Variants in HSF5 observed in about 807,000 individuals in gnomAD.
The protein encoded by HSF5 is heat shock transcription factor 5.
A neutral mutation model predicts 50.8 loss-of-function variants in HSF5; 5 were observed. That is an observed-to-expected ratio of 0.10 (90% confidence interval 0.05 to 0.21). The LOEUF is 0.21. Among genes scored for constraint, HSF5 ranks in the 10% least tolerant of loss-of-function variants. HSF5 has a pLI of 1.00. For missense variants in HSF5, 564 were observed against 762.6 expected, an observed-to-expected ratio of 0.74 and a Z score of 3.07; for synonymous variants, 307 against 307.4, an observed-to-expected ratio of 1.00 and a Z score of 0.02.
At chr17:58,446,779 C>T (rs767781289) in intron 5 of HSF5, among the ~76,000 whole-genome samples, 2 of 149,446 alleles carry the variant, frequency 1.3e-5, no homozygotes, top group Admixed American at 6.6e-5. Context: ...CTGAGTGCCA[C>T]GTCATCCCTG....
At position 58,421,521 on chromosome 17, in the gene HSF5, T is replaced by A. The variant is rs1412166258; in HGVS notation, c.*839A>T. On this transcript the variant is annotated 3_prime_UTR_variant, in exon 6 of 6. Coordinates refer to ENST00000323777, the MANE Select transcript of HSF5 (RefSeq NM_001080439.3). ...ACATGCATCCTTTATCCTTCTATCC[T>A]GCAATAATAAAAATATAAAACTTTA... The A allele has an allele frequency of 2.0e-5, 3 of 152,232 alleles. No homozygotes were observed. Among genetic ancestry groups the A allele is most frequent in the Non-Finnish European group, 4.4e-5 (3 of 68,024 alleles). 9.4% of individuals were successfully genotyped at this position (152,232 alleles called of 1,614,324 possible). A position where few individuals can be genotyped will look rare whatever the true frequency, so the allele number is the denominator to read the frequency against.
intron 5 of HSF5, among the ~76,000 whole-genome samples, chr17:58,427,744 G>A (rs1974313902): frequency 6.6e-6 from 1 of 152,148 alleles, no homozygotes; most frequent in Non-Finnish European, 1.5e-5. Flanking sequence ...TCCATTTTGA[G>A]CTCTCCCCAC....
At chr17:58,480,762 GCTATCTAT>G (rs59278255) in intron 1 of HSF5, among the ~76,000 whole-genome samples, 89 of 146,486 alleles carry the variant, frequency 6.1e-4, no homozygotes, top group African/African-American at 1.2e-3. Context: ...AACGCTCTTT[GCTATCTAT>G]CTATCTATCT....
intron 3 of HSF5, among the ~76,000 whole-genome samples, chr17:58,465,749 C>G (rs919858576): frequency 1.3e-5 from 2 of 152,050 alleles, no homozygotes; most frequent in African/African-American, 4.8e-5. Flanking sequence ...ACACACAATT[C>G]CAATCTTTGG....
intron 5 of HSF5, among the ~76,000 whole-genome samples, chr17:58,439,728 C>A (rs532385321): frequency 6.6e-6 from 1 of 152,330 alleles, no homozygotes; most frequent in South Asian, 2.1e-4. Flanking sequence ...AGGTGATCCG[C>A]CCGCCTTGGC....
chr17:58,458,762 C>A lies in HSF5; in HGVS notation c.1720+6G>T. The stretch of plus-strand genomic sequence containing the variant: ...TTCTGGCATTCTAGAGCACAATAAT[C>A]CTTACCAGGGGACTTTCCTTGTTGT... On this transcript the variant is annotated splice_donor_region_variant and intron_variant, in intron 5 of 5. Coordinates refer to ENST00000323777, the MANE Select transcript of HSF5 (RefSeq NM_001080439.3). The A allele has an allele frequency of 1.9e-6, 3 of 1,605,526 alleles. No individual in the cohort carries two copies.
chr17:58,422,533 C>T (rs1336215403), intron 5 of HSF5, 103 bp from the exon 6 acceptor site: 2 of 815,640 alleles, frequency 2.5e-6, no homozygotes, highest in African/African-American at 1.7e-5. Context: ...ACCTGTAGAA[C>T]TGGCTCTAAA....
intron 1 of HSF5, among the ~76,000 whole-genome samples, chr17:58,483,165 G>A (rs1195964815): frequency 3.3e-5 from 5 of 152,102 alleles, no homozygotes; most frequent in Non-Finnish European, 5.9e-5. Flanking sequence ...GCCCTCTTCG[G>A]GGATAAACTG....
intron 4 of HSF5, among the ~76,000 whole-genome samples, chr17:58,460,693 TAG>T (rs914815628): frequency 5.4e-5 from 8 of 147,786 alleles, no homozygotes; most frequent in Admixed American, 2.7e-4. Context: ...GTATTTTTAG[TAG>T]AGACAGGGTT....
chr17:58,476,306 T>G, intron 2 of HSF5: 1 of 1,061,634 alleles, frequency 9.4e-7, no homozygotes, highest in Non-Finnish European at 1.5e-6. Context: ...TGTAATGGGT[T>G]TGGCCAAATA....
At position 58,444,063 on chromosome 17, in the gene HSF5, A is replaced by T. The variant is rs562015448; in HGVS notation, c.1720+14705T>A. Among the ~76,000 whole-genome samples, 158 of 152,370 alleles carry T rather than the reference A, an allele frequency of 1.0e-3. 1 individual carries two copies. The highest frequency in any genetic ancestry group is 3.4e-3 in the African/African-American group (141 of 41,596). On this transcript the variant is annotated intron_variant, in intron 5 of 5. Coordinates refer to ENST00000323777, the MANE Select transcript of HSF5 (RefSeq NM_001080439.3). ...ACTTTTACACTGAAAATTACAAAAC[A>T]GTACTGAAAGAAATTAAAGATGACA...
chr17:58,431,327 C>G (rs572796750), intron 5 of HSF5, among the ~76,000 whole-genome samples: 93 of 152,270 alleles, frequency 6.1e-4, no homozygotes, highest in African/African-American at 2.2e-3. Flanking sequence ...CAAACCAGTA[C>G]AGCAAGTTAC....
At chr17:58,441,571 A>G (rs1974498291) in intron 5 of HSF5, among the ~76,000 whole-genome samples, 1 of 152,208 alleles carries the variant, frequency 6.6e-6, no homozygotes, top group African/African-American at 2.4e-5. Context: ...CAAATACAAA[A>G]GTTGGCTTTG....
chr17:58,432,700 A>C (rs1974380323), intron 5 of HSF5, among the ~76,000 whole-genome samples: 1 of 152,132 alleles, frequency 6.6e-6, no homozygotes, highest in African/African-American at 2.4e-5. Flanking sequence ...TATATATAGA[A>C]AACTATTAAA....
At chr17:58,475,043 T>A (rs1490262008) in intron 2 of HSF5, among the ~76,000 whole-genome samples, 1 of 152,234 alleles carries the variant, frequency 6.6e-6, no homozygotes, top group Non-Finnish European at 1.5e-5. Context: ...AAAATCATCC[T>A]TACTTCATGT....
intron 3 of HSF5, among the ~76,000 whole-genome samples, chr17:58,465,532 C>A (rs1974853562): frequency 6.6e-6 from 1 of 151,648 alleles, no homozygotes; most frequent in Non-Finnish European, 1.5e-5. Flanking sequence ...ATCATATCAG[C>A]CATGAAAAAT....
At chr17:58,424,812 G>A (rs1406015258) in intron 5 of HSF5, among the ~76,000 whole-genome samples, 1 of 151,936 alleles carries the variant, frequency 6.6e-6, no homozygotes, top group African/African-American at 2.4e-5. Context: ...CAAACAAAAT[G>A]GAGGAAATTC....
chr17:58,478,829 C>T (rs1238874740), intron 2 of HSF5, among the ~76,000 whole-genome samples: 1 of 141,830 alleles, frequency 7.1e-6, no homozygotes, highest in Admixed American at 7.2e-5. Context: ...CGCCACTGCA[C>T]TCCAGCCTGG....
At chr17:58,451,757 A>G (rs1482087749) in intron 5 of HSF5, among the ~76,000 whole-genome samples, 1 of 152,136 alleles carries the variant, frequency 6.6e-6, no homozygotes, top group East Asian at 1.9e-4. Flanking sequence ...CAAATAAACA[A>G]TATTATATTA....
Sources: allele counts gnomAD v4.1 joint callset (sites outside exome capture counted in the v4.1 genomes callset), GRCh38; gene constraint gnomAD v4.1.1; transcripts MANE v1.5; gene names NCBI Gene and HGNC (gene_info 2026-07-23, HGNC 2026-07-21).